Variants in DCAF4 observed in about 807,000 individuals in gnomAD.
DCAF4 encodes the protein DDB1- and CUL4-associated factor 4.
In DCAF4, 37 loss-of-function variants were observed where a neutral mutation model predicts 60.9. The ratio of observed to expected loss-of-function variants is 0.61; its 90% CI spans 0.47 to 0.80. The LOEUF is 0.80. Among genes scored for constraint, DCAF4 ranks in the 30% least tolerant of loss-of-function variants. The probability of loss-of-function intolerance (pLI) is 0.00; values close to 1 mark genes in which losing one functional copy is unlikely to be tolerated. For synonymous variants in DCAF4, 243 were observed against 254.8 expected, an observed-to-expected ratio of 0.95 and a Z score of 0.44; for missense variants, 577 against 650.0, an observed-to-expected ratio of 0.89 and a Z score of 1.22.
chr14:72,950,169 T>C (rs545714781), intron 8 of DCAF4, among the ~76,000 whole-genome samples: 14 of 152,266 alleles, frequency 9.2e-5, no homozygotes, highest in Non-Finnish European at 2.1e-4. Flanking sequence ...TGAAAATGAT[T>C]CCTTTGGTGG....
downstream of DCAF4, chr14:72,960,447 G>A (rs999649743): frequency 2.6e-5 from 5 of 192,600 alleles, no homozygotes; most frequent in Admixed American, 6.5e-5. Context: ...ACCGCACCTG[G>A]CCCGATTCTT....
At chr14:72,955,728 G>T (rs768527425) in intron 12 of DCAF4, 32 bp downstream of exon 12, 1 of 1,591,544 alleles carries the variant, frequency 6.3e-7, no homozygotes, top group Non-Finnish European at 8.6e-7. Flanking sequence ...CAGGCCACAG[G>T]GTCTCGTGGC....
At chr14:72,961,110 C>T (rs188890188), downstream of DCAF4, among the ~76,000 whole-genome samples, 45 of 152,210 alleles carry the variant, frequency 3.0e-4, no homozygotes, top group East Asian at 8.3e-3. Flanking sequence ...TGGTCTTGAA[C>T]TCCTAGGCTC....
chr14:72,948,980 T>G (rs1891081214), intron 8 of DCAF4, among the ~76,000 whole-genome samples: 2 of 152,252 alleles, frequency 1.3e-5, no homozygotes. Context: ...GTAACTAACA[T>G]GCACATCCCA....
At chr14:72,927,616 G>A (rs1360297425) in intron 1 of DCAF4, among the ~76,000 whole-genome samples, 1 of 152,116 alleles carries the variant, frequency 6.6e-6, no homozygotes, top group Non-Finnish European at 1.5e-5. Flanking sequence ...CTCCCAAAGT[G>A]CTGGGATTAC....
chr14:72,953,521 G>A (rs1282561264), intron 9 of DCAF4, among the ~76,000 whole-genome samples: 1 of 151,122 alleles, frequency 6.6e-6, no homozygotes, highest in Non-Finnish European at 1.5e-5. Flanking sequence ...ACCAGCCTGA[G>A]CAACATAGCA....
At chr14:72,932,447 A>G (rs934686934) in intron 1 of DCAF4, among the ~76,000 whole-genome samples, 7 of 152,232 alleles carry the variant, frequency 4.6e-5, no homozygotes, top group Non-Finnish European at 8.8e-5. Context: ...AAGTTACTTG[A>G]TAAATATTTT....
rs904433406 is a variant in DCAF4 at position 72,943,795 on chromosome 14, G to A, written c.534+699G>A. 2.6e-5 allele frequency among the ~76,000 whole-genome samples: 4 copies of A among 152,308 alleles called. No homozygotes were observed. In the East Asian group the frequency reaches 7.7e-4, roughly 29 times the overall value. On this transcript the variant is annotated intron_variant, in intron 6 of 13. Transcript: ENST00000358377. ...GGAGGCTGAGGGAAAGCCAGGGAGA[G>A]TGAGAGGAGGATACAGAGGCAGGAG... is the stretch of plus-strand genomic sequence containing the variant.
At chr14:72,960,576 G>C (rs750259033), downstream of DCAF4, 1 of 1,049,314 alleles carries the variant, frequency 9.5e-7, no homozygotes, top group Non-Finnish European at 1.2e-6. Context: ...ACAGTCTTCT[G>C]TATTCTCTTT....
Position 72,939,875 on chromosome 14 carries a change from G to A in DCAF4, c.166G>A (p.Gly56Ser), listed in dbSNP as rs1402525393. ...TGACGAGTCTCCGTCAACCTCGTCT[G>A]GCACAGCTGGGACCTCCTCTGTGCC... is the stretch of plus-strand genomic sequence containing the variant. ...GDDESPSTSS[G>S]TAGTSSVPEL... The change falls in exon 3 of 14, where the codon GGC becomes AGC. Residue 56 changes from glycine (G) to serine (S), a missense_variant. Transcript: ENST00000358377. 7 of 1,610,850 alleles carry A rather than the reference G, an allele frequency of 4.3e-6. No individual in the cohort carries two copies. The highest frequency in any genetic ancestry group is 5.9e-6 in the Non-Finnish European group (7 of 1,178,630).
rs565229070 is a variant in DCAF4 at position 72,928,187 on chromosome 14, CTT to C, written c.-9+1666_-9+1667del. On this transcript the variant is annotated intron_variant, in intron 1 of 13. Coordinates refer to ENST00000358377, the MANE Select transcript of DCAF4 (RefSeq NM_015604.4). ...CCCGCTAGTCTACAGAATCCCCCCA[CTT>C]TTTTTTTTTTTTTTTTTTTTTGATA... Among the ~76,000 whole-genome samples, 34 of 67,272 alleles carry C rather than the reference CTT, an allele frequency of 5.1e-4. No individual in the cohort carries two copies. The East Asian group carries it at 6.3e-3, about 12-fold the overall frequency. The allele number at this position is 67,272 out of a possible 152,430, so 44.1% of individuals were successfully genotyped here. A position where few individuals can be genotyped will look rare whatever the true frequency, so the allele number is the denominator to read the frequency against.
chr14:72,961,143 T>G (rs1892804296), downstream of DCAF4, among the ~76,000 whole-genome samples: 1 of 152,074 alleles, frequency 6.6e-6, no homozygotes, highest in African/African-American at 2.4e-5. Flanking sequence ...GGCCTCAGCC[T>G]CCCAAAGTGC....
At chr14:72,952,677 ATGTCT>A (rs1240363216) in intron 9 of DCAF4, among the ~76,000 whole-genome samples, 2 of 142,112 alleles carry the variant, frequency 1.4e-5, no homozygotes, top group Non-Finnish European at 1.5e-5. Flanking sequence ...GGATTGTTTT[ATGTCT>A]TGTCTTGTCT....
Position 72,958,627 on chromosome 14 carries a change from A to G in DCAF4, c.1310A>G (p.Tyr437Cys), listed in dbSNP as rs1390339889. The G allele has an allele frequency of 6.2e-7, 1 of 1,614,090 alleles. No homozygotes were observed. Among genetic ancestry groups the G allele is most frequent in the African/African-American group, 1.3e-5 (1 of 74,944 alleles). Residue 437 changes from tyrosine (Y) to cysteine (C), a missense_variant, in exon 14 of 14, where the codon TAC becomes TGC. Transcript: ENST00000358377. ...TCTTTCCTAGTGGGCCAGGACTGCTACACGAGAATCTGGAGCCTCCACGAT... is the reference window on the plus strand; with the variant it reads ...TCTTTCCTAGTGGGCCAGGACTGCTGCACGAGAATCTGGAGCCTCCACGAT... ...GILVAVGQDC[Y>C]TRIWSLHDAR...
chr14:72,937,759 G>A (rs1016594276), intron 1 of DCAF4, among the ~76,000 whole-genome samples: 1 of 152,098 alleles, frequency 6.6e-6, no homozygotes, highest in African/African-American at 2.4e-5. Flanking sequence ...CTATGTGGTC[G>A]ACTAAGGGTA....
At chr14:72,945,424 G>A (rs2140257942) in intron 6 of DCAF4, among the ~76,000 whole-genome samples, 1 of 150,504 alleles carries the variant, frequency 6.6e-6, no homozygotes, top group East Asian at 2.0e-4. Context: ...TTTGAATGCA[G>A]TCTTTTTCTA....
intron 1 of DCAF4, among the ~76,000 whole-genome samples, chr14:72,928,599 A>T (rs61988542): frequency 1.2e-4 from 3 of 25,528 alleles, no homozygotes; most frequent in Non-Finnish European, 3.8e-4. Flanking sequence ...ATATATATAT[A>T]TATATATATA....
intron 13 of DCAF4, chr14:72,957,903 A>T (rs1892509744): frequency 6.5e-6 from 1 of 152,896 alleles, no homozygotes; most frequent in Admixed American, 6.5e-5. Flanking sequence ...TGAAGACTTA[A>T]ACCGGTCCTA....
chr14:72,942,115 T>C (rs901596358), intron 5 of DCAF4: 2 of 351,828 alleles, frequency 5.7e-6, no homozygotes, highest in African/African-American at 4.2e-5. Context: ...TAGTAGAAGC[T>C]CCTACAACTT....
Sources: allele counts gnomAD v4.1 joint callset (sites outside exome capture counted in the v4.1 genomes callset), GRCh38; gene constraint gnomAD v4.1.1; transcripts MANE v1.5; gene names NCBI Gene and HGNC (gene_info 2026-07-23, HGNC 2026-07-21).